Variants in ZNF678 observed in about 807,000 individuals in gnomAD.
ZNF678 encodes hypothetical protein MGC42493.
In ZNF678, 5 loss-of-function variants were observed where a neutral mutation model predicts 3.0. That is an observed-to-expected ratio of 1.69 (90% CI 0.88 to 3.56). The LOEUF is 3.56. Ranked by LOEUF, ZNF678 falls within the 30% of genes most tolerant of loss-of-function variation. The pLI, the probability that ZNF678 is intolerant of heterozygous loss-of-function variation, is 0.00. For missense variants in ZNF678, 593 were observed against 605.0 expected, an observed-to-expected ratio of 0.98 and a Z score of 0.21; for synonymous variants, 218 against 199.6, an observed-to-expected ratio of 1.09 and a Z score of -0.78.
At chr1:227,676,334 C>G (rs115924509) in intron 5 of ZNF678, among the ~76,000 whole-genome samples, 2,621 of 152,244 alleles carry the variant, frequency 0.017, 78 homozygotes, top group African/African-American at 0.06. Flanking sequence ...CAGTGTAAGA[C>G]TACCAAATGT....
intron 1 of ZNF678, among the ~76,000 whole-genome samples, chr1:227,566,180 C>T (rs1656679890): frequency 1.3e-5 from 2 of 152,052 alleles, no homozygotes; most frequent in African/African-American, 4.8e-5. Flanking sequence ...TTTTTTCCTC[C>T]CAGAGGACAG....
chr1:227,644,973 C>T (rs1167273907), intron 1 of ZNF678, among the ~76,000 whole-genome samples: 1 of 152,152 alleles, frequency 6.6e-6, no homozygotes, highest in African/African-American at 2.4e-5. Flanking sequence ...GGTCACAGGG[C>T]CTGCTCTCTT....
downstream of ZNF678, among the ~76,000 whole-genome samples, chr1:227,667,163 C>T (rs1249391743): frequency 6.6e-6 from 1 of 151,928 alleles, no homozygotes; most frequent in African/African-American, 2.4e-5. Context: ...CCTTCCTCAG[C>T]CCCCCAAGTA....
intron 1 of ZNF678, among the ~76,000 whole-genome samples, chr1:227,583,341 T>TTTTC (rs1322249810): frequency 6.7e-6 from 1 of 149,412 alleles, no homozygotes; most frequent in African/African-American, 2.4e-5. Context: ...ATTTCTTTTT[T>TTTTC]TTTCTTTTTT....
chr1:227,662,903 C>T (rs1377824201), downstream of ZNF678, among the ~76,000 whole-genome samples: 1 of 152,154 alleles, frequency 6.6e-6, no homozygotes, highest in Non-Finnish European at 1.5e-5. Flanking sequence ...GCATTTTCTC[C>T]CAAAAATGTA....
chr1:227,600,510 A>G (rs1030520648), intron 1 of ZNF678, among the ~76,000 whole-genome samples: 1 of 152,178 alleles, frequency 6.6e-6, no homozygotes, highest in African/African-American at 2.4e-5. Context: ...ATGATATCTC[A>G]TTGTGGTTTT....
chr1:227,568,789 A>G (rs1656762982), intron 1 of ZNF678, among the ~76,000 whole-genome samples: 1 of 152,120 alleles, frequency 6.6e-6, no homozygotes, highest in Non-Finnish European at 1.5e-5. Flanking sequence ...CTGGCCTTGC[A>G]AGGTCTGTGC....
At chr1:227,630,738 TTATC>T (rs1391962365) in intron 1 of ZNF678, among the ~76,000 whole-genome samples, 1 of 152,174 alleles carries the variant, frequency 6.6e-6, no homozygotes, top group African/African-American at 2.4e-5. Flanking sequence ...GTTTACACCT[TTATC>T]TATCTGCTTT....
chr1:227,665,499 G>A (rs924426701), downstream of ZNF678, among the ~76,000 whole-genome samples: 2 of 152,160 alleles, frequency 1.3e-5, no homozygotes, highest in Non-Finnish European at 2.9e-5. Context: ...GCATAATTGG[G>A]CTTTGGCAAG....
intron 1 of ZNF678, among the ~76,000 whole-genome samples, chr1:227,614,260 A>G (rs1384367822): frequency 6.6e-6 from 1 of 152,138 alleles, no homozygotes; most frequent in Non-Finnish European, 1.5e-5. Context: ...TTTTGATTTT[A>G]TCCCTTTGTT....
chr1:227,585,248 T>C (rs1315845515), intron 1 of ZNF678, among the ~76,000 whole-genome samples: 2 of 152,174 alleles, frequency 1.3e-5, no homozygotes, highest in Non-Finnish European at 2.9e-5. Flanking sequence ...TGAGCTGAAT[T>C]ATGCATGGTC....
intron 1 of ZNF678, among the ~76,000 whole-genome samples, chr1:227,612,093 G>A (rs1248135789): frequency 1.3e-5 from 2 of 152,182 alleles, no homozygotes; most frequent in East Asian, 3.9e-4. Context: ...TTGCACTGCT[G>A]CAGCAGGGGT....
chr1:227,609,475 G>A (rs532285588), intron 1 of ZNF678, among the ~76,000 whole-genome samples: 8 of 152,146 alleles, frequency 5.3e-5, no homozygotes, highest in African/African-American at 1.9e-4. Context: ...AAATCCTCTC[G>A]CTCCTCCAAT....
intron 5 of ZNF678, among the ~76,000 whole-genome samples, chr1:227,675,129 G>A (rs760047253): frequency 5.9e-5 from 9 of 151,992 alleles, no homozygotes; most frequent in Non-Finnish European, 1.0e-4. Flanking sequence ...TTTGGATATC[G>A]GGCCTTTGGG....
intron 1 of ZNF678, among the ~76,000 whole-genome samples, chr1:227,640,073 A>G (rs1381004113): frequency 1.3e-5 from 2 of 152,194 alleles, no homozygotes; most frequent in African/African-American, 4.8e-5. Flanking sequence ...CTGAGCGAGT[A>G]TGGGCAGGAG....
At position 227,656,020 on chromosome 1, in the gene ZNF678, A is replaced by G. The variant is rs1021953888; in HGVS notation, c.*192A>G. The stretch of plus-strand genomic sequence containing the variant: ...TCTTCCTGTAAACAGAATCTGTACT[A>G]GAGGAAAAACCCTTAAACAATTATT... On this transcript the variant is annotated 3_prime_UTR_variant, in exon 4 of 4. Transcript: ENST00000343776. 1.1e-5 allele frequency: 5 copies of G among 459,126 alleles called. No individual in the cohort carries two copies. The highest frequency in any genetic ancestry group is 1.8e-5 in the Non-Finnish European group (5 of 276,970). The allele number at this position is 459,126 out of a possible 1,614,324, so 28.4% of individuals were successfully genotyped here. A position where few individuals can be genotyped will look rare whatever the true frequency, so the allele number is the denominator to read the frequency against.
intron 3 of ZNF678, 103 bp from the exon 4 acceptor site, chr1:227,654,233 C>T (rs529335857): frequency 2.2e-6 from 2 of 900,578 alleles, no homozygotes; most frequent in South Asian, 6.1e-5. Context: ...TTTTATTATG[C>T]CATCTTGTTA....
In ZNF678 at chr1:227,577,259, G is replaced by T. The variant is rs558785152; in HGVS notation, c.-164+13535G>T. 5.9e-5 allele frequency among the ~76,000 whole-genome samples: 9 copies of T among 152,256 alleles called. No individual in the cohort carries two copies. In the South Asian group the frequency reaches 6.2e-4, roughly 11 times the overall value. On this transcript the variant is annotated intron_variant, in intron 1 of 3. Coordinates refer to ENST00000343776, the MANE Select transcript of ZNF678 (RefSeq NM_001367909.1). ...TTCTGTGGATATCTATCAGGTCCATGTGATCCAGTGCTGAGTTCAAGTCCT... is the reference window on the plus strand; with the variant it reads ...TTCTGTGGATATCTATCAGGTCCATTTGATCCAGTGCTGAGTTCAAGTCCT...
intron 1 of ZNF678, chr1:227,599,119 G>C: frequency 6.5e-7 from 1 of 1,540,580 alleles, no homozygotes; most frequent in Non-Finnish European, 9.0e-7. Flanking sequence ...TTGCTATTGG[G>C]TTTATATAGG....
Sources: allele counts gnomAD v4.1 joint callset (sites outside exome capture counted in the v4.1 genomes callset), GRCh38; gene constraint gnomAD v4.1.1; transcripts MANE v1.5; gene names NCBI Gene and HGNC (gene_info 2026-07-23, HGNC 2026-07-21).